Variants in TJP2 observed in about 807,000 individuals in gnomAD.
TJP2 encodes the protein Friedreich ataxia region gene X104 (tight junction protein ZO-2).
In TJP2, 91 loss-of-function variants were observed where a neutral mutation model predicts 133.1. The ratio of observed to expected loss-of-function variants is 0.68; its 90% CI spans 0.58 to 0.81. TJP2 has a LOEUF of 0.81. Ranked by LOEUF, TJP2 falls within the 40% of genes least tolerant of loss-of-function variation. The pLI, the probability that TJP2 is intolerant of heterozygous loss-of-function variation, is 0.00. For missense variants in TJP2, 1,541 were observed against 1,565.6 expected (o/e 0.98, Z 0.26); for synonymous variants, 592 against 583.4 (o/e 1.01, Z -0.21).
intron 2 of TJP2, among the ~76,000 whole-genome samples, chr9:69,153,394 G>A (rs1031116678): frequency 2.0e-5 from 3 of 152,042 alleles, no homozygotes; most frequent in African/African-American, 7.2e-5. Context: ...ACCAGCCCGG[G>A]CAACATGGCG....
At chr9:69,134,469 G>A (rs1274981571) in intron 1 of TJP2, among the ~76,000 whole-genome samples, 1 of 152,186 alleles carries the variant, frequency 6.6e-6, no homozygotes, top group Non-Finnish European at 1.5e-5. Context: ...TGTGAGTGGT[G>A]TTGGAGGCCT....
In TJP2 at chr9:69,126,717, G is replaced by C. The variant is rs1822301570; in HGVS notation, c.-131+4992G>C. Among the ~76,000 whole-genome samples, 2 of 77,536 alleles carry C rather than the reference G, an allele frequency of 2.6e-5. 1 individual carries two copies. The highest frequency in any genetic ancestry group is 7.8e-5 in the African/African-American group (2 of 25,482). The allele number at this position is 77,536 out of a possible 152,430, so 50.9% of individuals were successfully genotyped here. A position where few individuals can be genotyped will look rare whatever the true frequency, so the allele number is the denominator to read the frequency against. ...CCTCCATTTGGGAGAAATTTATAAT[G>C]CAAAGGAAACAGAAAAAGCCATAAA... On this transcript the variant is annotated intron_variant, in intron 1 of 5. Transcript: ENST00000423935.
intron 1 of TJP2, among the ~76,000 whole-genome samples, chr9:69,191,563 T>C (rs1462181573): frequency 6.6e-6 from 1 of 152,162 alleles, no homozygotes; most frequent in African/African-American, 2.4e-5. Context: ...CGAATGAATG[T>C]ATGTATCAGT....
intron 4 of TJP2, among the ~76,000 whole-genome samples, chr9:69,219,051 T>C (rs1369055697): frequency 6.6e-6 from 1 of 151,078 alleles, no homozygotes; most frequent in Non-Finnish European, 1.5e-5. Flanking sequence ...CTGACCACAA[T>C]CTCCGCCTCC....
intron 22 of TJP2, 197 bp from the exon 23 acceptor site, chr9:69,254,012 G>A: frequency 1.2e-5 from 8 of 645,584 alleles, no homozygotes; most frequent in South Asian, 7.0e-5. Flanking sequence ...CTCACTCACC[G>A]CCGAAGTGGG....
At position 69,249,462 on chromosome 9, in the gene TJP2, GC is replaced by G. The variant is rs1380193470; in HGVS notation, c.2969del (p.Ala990AspfsTer61). 1 of 1,608,660 alleles carries G rather than the reference GC, an allele frequency of 6.2e-7. No homozygotes were observed. Among genetic ancestry groups the G allele is most frequent in the Admixed American group, 1.7e-5 (1 of 59,522 alleles). Reference protein sequence around the residue: ...DQLRDNSPPPAFKPEPPKAKT... With the variant: ...DQLRDNSPPPXFKPEPPKAKT... The stretch of plus-strand genomic sequence containing the variant: ...ACTTAGGGACAATAGCCCGCCCCCA[GC>G]ATTCAAGCCAGAGCCGCCCAAGGTA... On this transcript the variant is annotated frameshift_variant, in exon 20 of 23. Coordinates refer to ENST00000377245, the MANE Select transcript of TJP2 (RefSeq NM_004817.4). LOFTEE classifies it high-confidence loss of function.
chr9:69,190,680 G>A (rs574479969), intron 1 of TJP2, among the ~76,000 whole-genome samples: 8 of 152,204 alleles, frequency 5.3e-5, no homozygotes, highest in Non-Finnish European at 1.0e-4. Context: ...GTGTGTGCCT[G>A]TACCAGCACC....
chr9:69,136,257 G>A (rs1822726218), intron 1 of TJP2, among the ~76,000 whole-genome samples: 1 of 152,174 alleles, frequency 6.6e-6, no homozygotes, highest in Non-Finnish European at 1.5e-5. Flanking sequence ...AGTGGCTCAT[G>A]TCTATAATCC....
chr9:69,171,690 A>G (rs957154117), upstream of TJP2, among the ~76,000 whole-genome samples: 4 of 149,624 alleles, frequency 2.7e-5, no homozygotes, highest in Admixed American at 1.3e-4. Flanking sequence ...TTACTTGTTG[A>G]TTGTCTACTG....
At chr9:69,139,302 T>G (rs927878149) in intron 1 of TJP2, among the ~76,000 whole-genome samples, 4 of 152,238 alleles carry the variant, frequency 2.6e-5, no homozygotes, top group African/African-American at 2.4e-5. Context: ...AATTTCTATG[T>G]TCAAGTCCTA....
intron 16 of TJP2, 76 bp from the exon 17 acceptor site, chr9:69,239,856 CCTTTA>C: frequency 4.5e-6 from 5 of 1,105,938 alleles, no homozygotes; most frequent in Non-Finnish European, 6.9e-6. Context: ...TCTCATACAG[CCTTTA>C]CTTATTAAAA....
In TJP2 at chr9:69,128,632, C is replaced by T. The variant is rs184141389; in HGVS notation, c.-131+6907C>T. Among the ~76,000 whole-genome samples the T allele has an allele frequency of 9.2e-3, 1,396 of 151,542 alleles. 33 individuals are homozygous for T. The highest frequency in any genetic ancestry group is 0.032 in the African/African-American group (1,329 of 41,282). On this transcript the variant is annotated intron_variant, in intron 1 of 5. Transcript: ENST00000423935. ...CTGCCTTCCGGGTTCACACCATTCTCCTGCCTCAGCCTCCCGAGTAGCTGG... is the reference window on the plus strand; with the variant it reads ...CTGCCTTCCGGGTTCACACCATTCTTCTGCCTCAGCCTCCCGAGTAGCTGG...
chr9:69,215,988 C>T (rs985115633), intron 2 of TJP2, among the ~76,000 whole-genome samples: 2 of 152,156 alleles, frequency 1.3e-5, no homozygotes, highest in African/African-American at 4.8e-5. Context: ...TGTTCCAGCT[C>T]GGGCCAGCAT....
chr9:69,133,621 G>T (rs1385188736), intron 1 of TJP2, among the ~76,000 whole-genome samples: 1 of 141,578 alleles, frequency 7.1e-6, no homozygotes, highest in African/African-American at 2.6e-5. Flanking sequence ...GCGCGATCTC[G>T]GCTCACTGCA....
At chr9:69,172,715 T>C (rs953812), upstream of TJP2, among the ~76,000 whole-genome samples, 64,875 of 152,004 alleles carry the variant, frequency 0.43, 14,138 homozygotes, top group East Asian at 0.63. Flanking sequence ...AATATTTTAT[T>C]TTTTTTTCCT....
At chr9:69,210,749 T>C (rs1402494672) in intron 1 of TJP2, among the ~76,000 whole-genome samples, 2 of 150,192 alleles carry the variant, frequency 1.3e-5, no homozygotes, top group East Asian at 3.9e-4. Context: ...GTTCTTTTTT[T>C]TTTTTTTTTT....
At chr9:69,164,654 C>T (rs1824253631) in intron 2 of TJP2, among the ~76,000 whole-genome samples, 1 of 152,134 alleles carries the variant, frequency 6.6e-6, no homozygotes, top group East Asian at 1.9e-4. Context: ...ACTTTAGTTG[C>T]TGCGAGAGCA....
chr9:69,171,789 ATTTTTTTTTT>A (rs34717893), upstream of TJP2, among the ~76,000 whole-genome samples: 19 of 86,758 alleles, frequency 2.2e-4, no homozygotes, highest in South Asian at 1.8e-3. Flanking sequence ...GAGTAGAAGA[ATTTTTTTTTT>A]TTTTTTTTTT....
chr9:69,134,064 C>G (rs1409676983), intron 1 of TJP2, among the ~76,000 whole-genome samples: 1 of 152,190 alleles, frequency 6.6e-6, no homozygotes, highest in Non-Finnish European at 1.5e-5. Context: ...ATCCGTATTA[C>G]AGCATGCTGG....
Sources: gnomAD v4.1 joint callset for allele counts (sites outside exome capture counted in the v4.1 genomes callset) on GRCh38, gnomAD v4.1.1 for gene constraint, MANE v1.5 for transcripts, NCBI Gene and HGNC (gene_info 2026-07-23, HGNC 2026-07-21) for gene names.